Variants in LRRC53 observed in about 807,000 individuals in gnomAD.
The protein encoded by LRRC53 is leucine-rich repeat-containing protein 53.
In LRRC53, 25 loss-of-function variants were observed where a neutral mutation model predicts 13.6. The ratio of observed to expected loss-of-function variants is 1.83; its 90% confidence interval spans 1.34 to 2.56. LRRC53 has a LOEUF of 2.56. LRRC53 is among the 30% of genes most tolerant of loss of function. The probability of loss-of-function intolerance (pLI) is 0.00; values close to 1 mark genes in which losing one functional copy is unlikely to be tolerated. For synonymous variants in LRRC53, 204 were observed against 109.8 expected (o/e 1.86, Z -5.37); for missense variants, 527 against 275.8 (o/e 1.91, Z -6.45).
chr1:74,535,042 G>C, the LRRC53 span, among the ~76,000 whole-genome samples: 76,415 of 151,678 alleles, frequency 0.5, 20,218 homozygotes, highest in East Asian at 0.72. Context: ...GTAAAAATCA[G>C]GCATTCAGCC....
chr1:74,501,323 C>T (rs1216548126), intron 1 of LRRC53, among the ~76,000 whole-genome samples: 2 of 152,106 alleles, frequency 1.3e-5, no homozygotes, highest in Non-Finnish European at 2.9e-5. Context: ...CTAGAAGTTG[C>T]ATGTCATTTA....
intron 1 of LRRC53, among the ~76,000 whole-genome samples, chr1:74,501,485 TTTGTTTGTTTG>T (rs1183940457): frequency 3.2e-5 from 4 of 124,490 alleles, no homozygotes; most frequent in African/African-American, 2.1e-4. Context: ...TGTTTGTTTG[TTTGTTTGTTTG>T]TTTGTTTGTT....
chr1:74,530,723 GTT>G, the LRRC53 span, among the ~76,000 whole-genome samples: 236 of 142,156 alleles, frequency 1.7e-3, no homozygotes, highest in African/African-American at 4.5e-3. Flanking sequence ...AACTCAAAAA[GTT>G]TTTTTTTTTT....
chr1:74,510,334 G>A (rs7416565), intron 1 of LRRC53, among the ~76,000 whole-genome samples: 8,234 of 151,968 alleles, frequency 0.054, 451 homozygotes, highest in African/African-American at 0.14. Flanking sequence ...GTGAAGCCCC[G>A]TCTCTACTAA....
intron 1 of LRRC53, among the ~76,000 whole-genome samples, chr1:74,486,201 A>AAGAGAGAGAGAGAGAGAGAGAGAGAGAG (rs58506314): frequency 1.3e-4 from 18 of 136,514 alleles, no homozygotes; most frequent in African/African-American, 4.7e-4. Flanking sequence ...AAATGCTATA[A>AAGAGAGAGAGAGAGAGAGAGAGAGAGAG]AGAGAGAGAG....
rs925683918 is a variant in LRRC53 at position 74,480,300 on chromosome 1, C to T, written c.757G>A (p.Ala253Thr). ...ACACTCTGTGCAGCTGCCACAGCTG[C>T]GGTAGATGGCTGGCAATTTAGGTCC... Reference protein sequence around the residue: ...AKDLNCQPSTAAVAAAQSVLR... With the variant: ...AKDLNCQPSTTAVAAAQSVLR... The change falls in exon 3 of 5, where the codon GCA becomes ACA. Residue 253 changes from alanine to threonine, a missense_variant. Coordinates refer to ENST00000294635, the MANE Select transcript of LRRC53 (RefSeq NM_001382280.1). The T allele has an allele frequency of 1.3e-5, 9 of 717,548 alleles. No homozygotes were observed. The highest frequency in any genetic ancestry group is 4.4e-5 in the South Asian group (3 of 67,606). 44.4% of individuals were successfully genotyped at this position (717,548 alleles called of 1,614,324 possible). A position where few individuals can be genotyped will look rare whatever the true frequency, so the allele number is the denominator to read the frequency against.
chr1:74,521,737 A>T, the LRRC53 span, among the ~76,000 whole-genome samples: 1 of 152,162 alleles, frequency 6.6e-6, no homozygotes, highest in Non-Finnish European at 1.5e-5. Context: ...AATTTATGAT[A>T]AGAAGGGCAC....
chr1:74,489,207 G>A lies in LRRC53; in HGVS notation c.-26-5832C>T, dbSNP rs1253716559. 1 of 1,611,358 alleles carries A rather than the reference G, an allele frequency of 6.2e-7. No homozygotes were observed. Among genetic ancestry groups the A allele is most frequent in the Non-Finnish European group, 8.5e-7 (1 of 1,178,888 alleles). ...TTTACAGGGAAGACCCGAATTTTCT[G>A]AAGTTGTCATGAAGTTAGAAGAGTG... On this transcript the variant is annotated intron_variant, in intron 1 of 4. Transcript: ENST00000294635.
intron 1 of LRRC53, among the ~76,000 whole-genome samples, chr1:74,487,933 G>A (rs1247279250): frequency 2.0e-5 from 3 of 152,120 alleles, no homozygotes; most frequent in Admixed American, 6.6e-5. Context: ...GAGCATGGAG[G>A]GGTGGAGGCA....
At chr1:74,489,211 T>G in intron 1 of LRRC53, 1 of 1,611,834 alleles carries the variant, frequency 6.2e-7, no homozygotes. Flanking sequence ...TTTTCTGAAG[T>G]TGTCATGAAG....
At chr1:74,473,634 T>A (rs1367667092) in intron 4 of LRRC53, among the ~76,000 whole-genome samples, 1 of 151,954 alleles carries the variant, frequency 6.6e-6, no homozygotes, top group East Asian at 1.9e-4. Flanking sequence ...GGATACTCCA[T>A]CTCCAATTTT....
At position 74,475,770 on chromosome 1, in the gene LRRC53, G is replaced by A. The variant is rs1267724641; in HGVS notation, c.945C>T (p.Asn315=). The change falls in exon 4 of 5, where the codon AAC becomes AAT. Residue 315 remains asparagine (N), a synonymous_variant. Coordinates refer to ENST00000294635, the MANE Select transcript of LRRC53 (RefSeq NM_001382280.1). ...TTGCTTTGCCTTGGTGGAGTTTCCA[G>A]TTAAATACAACTAAACCTAGGCAAG... ...GLTCLGLVVF[N]WKLHQGKANE... 4.7e-6 allele frequency: 3 copies of A among 634,046 alleles called. No homozygotes were observed. The highest frequency in any genetic ancestry group is 8.7e-6 in the Non-Finnish European group (3 of 346,274). The allele number at this position is 634,046 out of a possible 1,614,324, so 39.3% of individuals were successfully genotyped here.
intron 4 of LRRC53, among the ~76,000 whole-genome samples, chr1:74,474,456 C>T (rs1570668317): frequency 6.6e-6 from 1 of 152,018 alleles, no homozygotes; most frequent in South Asian, 2.1e-4. Flanking sequence ...CTTATCCAGT[C>T]GCCCCAAAAT....
At chr1:74,472,838 AT>A (rs1265066867) in intron 4 of LRRC53, among the ~76,000 whole-genome samples, 26 of 152,266 alleles carry the variant, frequency 1.7e-4, no homozygotes, top group Middle Eastern at 3.4e-3. Context: ...ACAGATTAAT[AT>A]AATATTTAAT....
intron 1 of LRRC53, among the ~76,000 whole-genome samples, chr1:74,510,543 A>C (rs1337847150): frequency 1.3e-5 from 2 of 152,068 alleles, no homozygotes; most frequent in East Asian, 3.9e-4. Context: ...TTATTGAGAG[A>C]TTGTCAAATC....
intron 3 of LRRC53, among the ~76,000 whole-genome samples, chr1:74,479,025 G>A (rs796087845): frequency 5.3e-5 from 8 of 152,294 alleles, no homozygotes; most frequent in African/African-American, 1.9e-4. Flanking sequence ...CTGATTAAAA[G>A]TGTAATTGTC....
At chr1:74,495,563 C>T (rs1484194634) in intron 1 of LRRC53, among the ~76,000 whole-genome samples, 2 of 152,108 alleles carry the variant, frequency 1.3e-5, no homozygotes, top group Non-Finnish European at 2.9e-5. Context: ...CACTATTGAA[C>T]ATCCTGGGCA....
chr1:74,492,230 C>G, intron 1 of LRRC53: 1 of 1,611,872 alleles, frequency 6.2e-7, no homozygotes, highest in Non-Finnish European at 8.5e-7. Flanking sequence ...TTGGAATATG[C>G]TCTAAATGCA....
At chr1:74,492,167 A>G (rs780090120) in intron 1 of LRRC53, 1 of 1,612,978 alleles carries the variant, frequency 6.2e-7, no homozygotes, top group South Asian at 1.1e-5. Flanking sequence ...TGCCTGGTGA[A>G]CCGGGGAGGA....
Sources: gnomAD v4.1 joint callset for allele counts (sites outside exome capture counted in the v4.1 genomes callset) on GRCh38, gnomAD v4.1.1 for gene constraint, MANE v1.5 for transcripts, NCBI Gene and HGNC (gene_info 2026-07-23, HGNC 2026-07-21) for gene names.